The following MLLT3 variants were observed in gnomAD, a reference collection of about 807,000 sequenced individuals.
The protein encoded by MLLT3 is protein AF-9.
A neutral mutation model predicts 53.2 loss-of-function variants in MLLT3; 4 were observed. The observed-to-expected ratio is 0.08, with a 90% CI of 0.04 to 0.17. The LOEUF is 0.17. Among genes scored for constraint, MLLT3 ranks in the 10% least tolerant of loss-of-function variants. MLLT3 has a pLI of 1.00. For synonymous variants in MLLT3, 283 were observed against 230.6 expected (o/e 1.23, Z -2.06); for missense variants, 569 against 684.0 (o/e 0.83, Z 1.87).
intron 2 of MLLT3, among the ~76,000 whole-genome samples, chr9:20,538,388 A>C (rs1818539163): frequency 6.6e-6 from 1 of 152,216 alleles, no homozygotes; most frequent in African/African-American, 2.4e-5. Context: ...TGAAATTCAA[A>C]TCCAGGCAAT....
chr9:20,570,869 G>A (rs1213261488), intron 2 of MLLT3, among the ~76,000 whole-genome samples: 1 of 152,096 alleles, frequency 6.6e-6, no homozygotes, highest in East Asian at 1.9e-4. Context: ...AAAAGGCAGG[G>A]TTAAGAACTA....
intron 2 of MLLT3, among the ~76,000 whole-genome samples, chr9:20,575,617 G>A (rs148071738): frequency 3.9e-5 from 6 of 152,034 alleles, no homozygotes; most frequent in African/African-American, 1.2e-4. Context: ...TATCTCCATC[G>A]AGCTCTTGGG....
intron 2 of MLLT3, among the ~76,000 whole-genome samples, chr9:20,477,380 T>C (rs562802496): frequency 6.6e-6 from 1 of 152,066 alleles, no homozygotes; most frequent in Non-Finnish European, 1.5e-5. Flanking sequence ...ACAACTGGAG[T>C]CTCTGTTTTA....
At chr9:20,517,071 T>G (rs1319304433) in intron 2 of MLLT3, among the ~76,000 whole-genome samples, 1 of 152,194 alleles carries the variant, frequency 6.6e-6, no homozygotes, top group Non-Finnish European at 1.5e-5. Context: ...CAATAAGCAT[T>G]GATTTACTGT....
At chr9:20,459,458 G>A (rs980728613) in intron 2 of MLLT3, among the ~76,000 whole-genome samples, 4 of 152,172 alleles carry the variant, frequency 2.6e-5, no homozygotes, top group Non-Finnish European at 5.9e-5. Flanking sequence ...TAGCAAGAAG[G>A]CTAGTGTTAC....
chr9:20,353,653 T>C, intron 9 of MLLT3, 57 bp from the exon 10 acceptor site: 1 of 1,384,574 alleles, frequency 7.2e-7, no homozygotes, highest in Non-Finnish European at 1.0e-6. Flanking sequence ...AGTTCAAAAA[T>C]AAATGAATAT....
rs564444534 is a variant in MLLT3, at chr9:20,459,305, C to T, written c.194-2519G>A. 3.2e-4 allele frequency among the ~76,000 whole-genome samples: 49 copies of T among 152,234 alleles called. 1 individual carries two copies. Among genetic ancestry groups the T allele is most frequent in the Admixed American group, 2.7e-3 (42 of 15,292 alleles). Reference sequence around the variant, plus strand: ...CTTATAAGTTTCTCTAATAGAAAAACGAAAACGTGAAAAGATCCAGAGTGG... The same window carrying T: ...CTTATAAGTTTCTCTAATAGAAAAATGAAAACGTGAAAAGATCCAGAGTGG... On this transcript the variant is annotated intron_variant, in intron 2 of 10. Transcript: ENST00000380338.
chr9:20,421,626 G>C (rs1466333279), intron 4 of MLLT3, among the ~76,000 whole-genome samples: 1 of 152,146 alleles, frequency 6.6e-6, no homozygotes, highest in Admixed American at 6.5e-5. Flanking sequence ...CAATCCTAAG[G>C]AGAAATTTGC....
intron 2 of MLLT3, among the ~76,000 whole-genome samples, chr9:20,529,126 C>T (rs1475407332): frequency 2.0e-5 from 3 of 152,128 alleles, no homozygotes; most frequent in Admixed American, 2.0e-4. Flanking sequence ...ACTCTAGGGC[C>T]ACACCTGAGA....
chr9:20,566,018 ATATATTTATT>A (rs1351229133), intron 2 of MLLT3, among the ~76,000 whole-genome samples: 10 of 131,232 alleles, frequency 7.6e-5, no homozygotes, highest in Admixed American at 3.5e-4. Context: ...ATATTTTTAT[ATATATTTATT>A]TATATTTATT....
chr9:20,469,732 A>G (rs554224431), intron 2 of MLLT3, among the ~76,000 whole-genome samples: 1 of 151,938 alleles, frequency 6.6e-6, no homozygotes, highest in African/African-American at 2.4e-5. Context: ...AGGAAAAAAA[A>G]AAAAAAAATC....
Position 20,620,761 on chromosome 9 carries a change from G to A in MLLT3, c.86C>T (p.Thr29Ile). The A allele has an allele frequency of 6.2e-7, 1 of 1,614,172 alleles. No homozygotes were observed. The change falls in exon 2 of 11, where the codon ACC (threonine) becomes ATC (isoleucine). Residue 29 changes from threonine to isoleucine, a missense_variant. Coordinates refer to ENST00000380338, the MANE Select transcript of MLLT3 (RefSeq NM_004529.4). The surrounding 1 kb of genome is among the most constrained non-coding windows in gnomAD (Gnocchi z 6.1). ...GCGTACGAACACCATCCAGTCGTGG[G>A]TGAAGCCCTCCACGGTGGGTTTTTT... ...VRKKPTVEGF[T>I]HDWMVFVRGP...
chr9:20,417,741 T>A (rs1822907334), intron 4 of MLLT3, among the ~76,000 whole-genome samples: 1 of 152,206 alleles, frequency 6.6e-6, no homozygotes, highest in African/African-American at 2.4e-5. Flanking sequence ...AATGCTTCCT[T>A]GTTTTAATTT....
At chr9:20,557,800 C>A (rs1436128599) in intron 2 of MLLT3, among the ~76,000 whole-genome samples, 1 of 152,098 alleles carries the variant, frequency 6.6e-6, no homozygotes, top group Non-Finnish European at 1.5e-5. Context: ...ACAGAAAAAT[C>A]TAGTGGCAAA....
chr9:20,392,225 C>G (rs1822202515), intron 5 of MLLT3, among the ~76,000 whole-genome samples: 1 of 152,224 alleles, frequency 6.6e-6, no homozygotes. Context: ...CCCAATCTCA[C>G]TTCCTCAAAC....
intron 2 of MLLT3, among the ~76,000 whole-genome samples, chr9:20,550,269 C>G (rs1818894273): frequency 6.6e-6 from 1 of 152,156 alleles, no homozygotes; most frequent in Non-Finnish European, 1.5e-5. Flanking sequence ...CAGAAGCACC[C>G]AAGTAAAAGG....
At chr9:20,566,523 C>G (rs1165958348) in intron 2 of MLLT3, among the ~76,000 whole-genome samples, 1 of 152,096 alleles carries the variant, frequency 6.6e-6, no homozygotes, top group African/African-American at 2.4e-5. Context: ...GATTTATATA[C>G]TTAAACACGT....
intron 2 of MLLT3, among the ~76,000 whole-genome samples, chr9:20,511,737 C>CACAT (rs1033741428): frequency 9.2e-5 from 14 of 151,944 alleles, no homozygotes; most frequent in Admixed American, 2.0e-4. Context: ...ATCACAGATA[C>CACAT]ACATACATAC....
chr9:20,524,525 T>A (rs1818149951), intron 2 of MLLT3, among the ~76,000 whole-genome samples: 1 of 150,480 alleles, frequency 6.6e-6, no homozygotes, highest in Non-Finnish European at 1.5e-5. Flanking sequence ...AAATAACTTT[T>A]TTTAAAAAAA....
Sources: gnomAD v4.1 joint callset for allele counts (sites outside exome capture counted in the v4.1 genomes callset) on GRCh38, gnomAD v4.1.1 for gene constraint, Gnocchi (gnomAD v3.1) non-coding constraint, MANE v1.5 for transcripts, NCBI Gene and HGNC (gene_info 2026-07-23, HGNC 2026-07-21) for gene names.